ABI3BP: variants seen among roughly 807,000 people sequenced by gnomAD.
The protein encoded by ABI3BP is ABI family member 3 binding protein.
A neutral mutation model predicts 268.6 loss-of-function variants in ABI3BP; 216 were observed. The observed-to-expected ratio is 0.80, with a 90% CI of 0.72 to 0.90. The LOEUF (loss-of-function observed/expected upper bound fraction) is 0.90. ABI3BP is among the 40% of genes least tolerant of loss of function. ABI3BP has a pLI of 0.00. For synonymous variants in ABI3BP, 730 were observed against 730.0 expected (o/e 1.00, Z 0.00); for missense variants, 2,090 against 2,182.4 (o/e 0.96, Z 0.84).
At chr3:100,908,286 T>C (rs76593977) in intron 2 of ABI3BP, among the ~76,000 whole-genome samples, 83 of 152,260 alleles carry the variant, frequency 5.5e-4, no homozygotes, top group African/African-American at 1.9e-3. Context: ...TTACTAAACA[T>C]GCCAGACCCT....
At chr3:100,867,186 T>C (rs1187562465) in intron 9 of ABI3BP, among the ~76,000 whole-genome samples, 1 of 152,172 alleles carries the variant, frequency 6.6e-6, no homozygotes, top group Non-Finnish European at 1.5e-5. Flanking sequence ...CTTTAAGATC[T>C]AAATTGGCAT....
intron 14 of ABI3BP, among the ~76,000 whole-genome samples, chr3:100,860,034 T>C (rs1376236258): frequency 6.6e-6 from 1 of 152,086 alleles, no homozygotes; most frequent in East Asian, 1.9e-4. Context: ...ATCGCACCCA[T>C]CGCACTCCAG....
At chr3:100,796,296 AT>A in intron 52 of ABI3BP, 112 bp downstream of exon 52, 2 of 823,484 alleles carry the variant, frequency 2.4e-6, no homozygotes, top group South Asian at 2.4e-5. Context: ...TTATACCCAT[AT>A]TTTTTCTCTA....
chr3:100,776,434 T>C (rs1458167545), intron 59 of ABI3BP, among the ~76,000 whole-genome samples: 1 of 152,176 alleles, frequency 6.6e-6, no homozygotes, highest in African/African-American at 2.4e-5. Context: ...AATGCTGGCA[T>C]AGCATAGCAT....
At chr3:100,840,924 A>AT in intron 21 of ABI3BP, 66 bp from the exon 22 acceptor site, 2 of 1,275,564 alleles carry the variant, frequency 1.6e-6, no homozygotes, top group Non-Finnish European at 2.2e-6. Flanking sequence ...ATGTATTTAA[A>AT]ACATGGAATA....
intron 1 of ABI3BP, among the ~76,000 whole-genome samples, chr3:100,932,838 C>T (rs919848475): frequency 1.3e-5 from 2 of 152,138 alleles, no homozygotes; most frequent in Non-Finnish European, 2.9e-5. Context: ...CCAGCAATCC[C>T]ATTACTGGGT....
chr3:100,849,700 T>C (rs1053594453), intron 17 of ABI3BP, among the ~76,000 whole-genome samples: 1 of 152,208 alleles, frequency 6.6e-6, no homozygotes, highest in African/African-American at 2.4e-5. Context: ...CTACTTTGGG[T>C]AAAATACTTT....
intron 1 of ABI3BP, among the ~76,000 whole-genome samples, chr3:100,984,958 A>C (rs1215350196): frequency 1.3e-5 from 2 of 152,132 alleles, no homozygotes; most frequent in African/African-American, 4.8e-5. Flanking sequence ...TCCTGAGAGC[A>C]TATGGAAAAA....
At chr3:100,837,926 A>C (rs1450262270) in intron 26 of ABI3BP, among the ~76,000 whole-genome samples, 3 of 152,182 alleles carry the variant, frequency 2.0e-5, no homozygotes, top group Non-Finnish European at 4.4e-5. Context: ...TGTTTCAGAT[A>C]CAGAAAACTC....
At position 100,759,280 on chromosome 3, in the gene ABI3BP, A is replaced by T. The variant is rs182694925; in HGVS notation, c.4851-4589T>A. 5.2e-3 allele frequency among the ~76,000 whole-genome samples: 796 copies of T among 152,318 alleles called. 6 individuals are homozygous for T. The highest frequency in any genetic ancestry group is 0.018 in the African/African-American group (756 of 41,568). ...AAATGGACAAGTAGAATAAGAAAAA[A>T]AGAGGAAGGACTGCTCAACATGGGA... On this transcript the variant is annotated intron_variant, in intron 63 of 67. Coordinates refer to ENST00000471714, the MANE Select transcript of ABI3BP (RefSeq NM_001375547.2).
rs2152658186 is a variant in ABI3BP at position 100,821,106 on chromosome 3, A to G, written c.2895T>C (p.Thr965=). The G allele has an allele frequency of 1.3e-6, 2 of 1,535,828 alleles. No individual in the cohort carries two copies. Among genetic ancestry groups the G allele is most frequent in the East Asian group, 4.9e-5 (2 of 40,900 alleles). ...TGAGTGTAACAGGTTTGAGCTCCGC[A>G]GTAGGAACTGATCAAAAGCATTAAA... The part of the protein sequence containing the change: ...PEAPESKPVP[T]AELKPVTLRT... Residue 965 remains threonine, a synonymous_variant, in exon 39 of 68, where the codon ACT becomes ACC. Coordinates refer to ENST00000471714, the MANE Select transcript of ABI3BP (RefSeq NM_001375547.2).
At chr3:100,876,320 G>A (rs1017475240) in intron 7 of ABI3BP, among the ~76,000 whole-genome samples, 192 bp downstream of exon 7, 7 of 152,024 alleles carry the variant, frequency 4.6e-5, no homozygotes, top group Non-Finnish European at 1.0e-4. Flanking sequence ...CCAGCCCAAA[G>A]CTTGGTGTAT....
In ABI3BP at chr3:100,835,631, C is replaced by T. The variant is rs1004028172; in HGVS notation, c.2161G>A (p.Val721Met). 2.0e-6 allele frequency: 3 copies of T among 1,535,112 alleles called. No individual in the cohort carries two copies. In the African/African-American group the frequency reaches 4.1e-5, roughly 21 times the overall value. The change falls in exon 28 of 68, where the codon GTG becomes ATG. Residue 721 changes from valine (V) to methionine (M), a missense_variant. Physicochemically the swap from Val to Met is conservative, Grantham distance 21. Transcript: ENST00000471714. ...VPTTDIEPVT[V>M]RTEATVTTLA... ...GTTGTCACTGTAGCCTCAGTTCTCA[C>T]AGTTACAGGCTCAATGTCTGTGGTG...
At chr3:100,937,487 A>T (rs574808281) in intron 1 of ABI3BP, among the ~76,000 whole-genome samples, 1 of 152,134 alleles carries the variant, frequency 6.6e-6, no homozygotes, top group East Asian at 1.9e-4. Flanking sequence ...ATAAAACAGA[A>T]CAAATTACCT....
intron 2 of ABI3BP, among the ~76,000 whole-genome samples, chr3:100,904,795 AC>A (rs1561495784): frequency 6.6e-6 from 1 of 152,178 alleles, no homozygotes; most frequent in Admixed American, 6.5e-5. Context: ...AAATAGGAAC[AC>A]TTTTACACTG....
intron 63 of ABI3BP, among the ~76,000 whole-genome samples, chr3:100,764,783 G>A (rs2096184953): frequency 6.6e-6 from 1 of 152,172 alleles, no homozygotes; most frequent in African/African-American, 2.4e-5. Context: ...CTAAGGAAAT[G>A]CTAAGGAAAC....
At chr3:100,900,479 G>A (rs992408018) in intron 3 of ABI3BP, among the ~76,000 whole-genome samples, 1 of 152,090 alleles carries the variant, frequency 6.6e-6, no homozygotes, top group Non-Finnish European at 1.5e-5. Flanking sequence ...TCACAATCTA[G>A]TTTTATTTTT....
At chr3:100,903,700 G>A (rs548718774) in intron 2 of ABI3BP, among the ~76,000 whole-genome samples, 5 of 152,284 alleles carry the variant, frequency 3.3e-5, no homozygotes, top group African/African-American at 1.2e-4. Flanking sequence ...CTTGCCCAAG[G>A]CTTTGCAGAG....
At chr3:100,768,436 A>G (rs1472153035) in intron 62 of ABI3BP, among the ~76,000 whole-genome samples, 1 of 152,218 alleles carries the variant, frequency 6.6e-6, no homozygotes, top group East Asian at 1.9e-4. Context: ...ATGGAAGATC[A>G]GAATTCTCAA....
Sources: gnomAD v4.1 joint callset for allele counts (sites outside exome capture counted in the v4.1 genomes callset) on GRCh38, gnomAD v4.1.1 for gene constraint, MANE v1.5 for transcripts, NCBI Gene and HGNC (gene_info 2026-07-23, HGNC 2026-07-21) for gene names.